Variants in DDX51 observed in about 807,000 individuals in gnomAD.
DDX51 encodes the protein ATP-dependent RNA helicase DDX51.
Under a neutral mutation model 74.6 loss-of-function variants are expected in DDX51, and 67 were observed. That is an observed-to-expected ratio of 0.90 (90% CI 0.74 to 1.10). The LOEUF (loss-of-function observed/expected upper bound fraction) is 1.10. DDX51 is among the 50% of genes least tolerant of loss of function. The pLI, the probability that DDX51 is intolerant of heterozygous loss-of-function variation, is 0.00. For missense variants in DDX51, 1,056 were observed against 905.2 expected (o/e 1.17, Z -2.14); for synonymous variants, 545 against 402.9 (o/e 1.35, Z -4.22).
intron 2 of DDX51, chr12:132,143,278 G>A (rs1187794533): frequency 9.9e-6 from 4 of 403,324 alleles, no homozygotes; most frequent in South Asian, 7.1e-5. Context: ...CCTACCTAAG[G>A]TGCCCGAGCA....
intron 11 of DDX51, 46 bp from the exon 12 acceptor site, chr12:132,140,245 G>A (rs1897395032): frequency 1.3e-6 from 2 of 1,594,292 alleles, no homozygotes; most frequent in African/African-American, 1.3e-5. Flanking sequence ...CAGGAGCAGG[G>A]GCCGTGGCAG....
chr12:132,143,510 G>A (rs547685264), intron 2 of DDX51, 185 bp downstream of exon 2: 149 of 764,470 alleles, frequency 1.9e-4, no homozygotes, highest in African/African-American at 7.2e-4. Context: ...CCTAGCAGAG[G>A]AAACGGGAGC....
At position 132,141,418 on chromosome 12, in the gene DDX51, A is replaced by C. The variant is rs749288932; in HGVS notation, c.1107T>G (p.Ile369Met). The C allele has an allele frequency of 1.9e-5, 30 of 1,591,458 alleles. No homozygotes were observed. The highest frequency in any genetic ancestry group is 2.5e-5 in the Non-Finnish European group (29 of 1,174,586). ...CAATCATCCGGTCAGCCTCGTCGAT[A>C]ATCTGCAGGAGACAGGGAGCCCGGG... ...GFSLQQLRFL[I>M]IDEADRMIDS... is the part of the protein sequence containing the mutation. The change falls in exon 8 of 15, where the codon ATT becomes ATG. Residue 369 changes from isoleucine to methionine, a missense_variant and splice_region_variant. Coordinates refer to ENST00000397333, the MANE Select transcript of DDX51 (RefSeq NM_175066.4).
Position 132,138,980 on chromosome 12 carries a change from G to A in DDX51, c.*292C>T, listed in dbSNP as rs146190557. 19 of 464,068 alleles carry A rather than the reference G, an allele frequency of 4.1e-5. No individual in the cohort carries two copies. Among genetic ancestry groups the A allele is most frequent in the Middle Eastern group, 5.6e-4 (1 of 1,788 alleles). 28.7% of individuals were successfully genotyped at this position (464,068 alleles called of 1,614,324 possible). On this transcript the variant is annotated 3_prime_UTR_variant, in exon 15 of 15. Transcript: ENST00000397333. ...CCCCAACTCTCAGCAAAAGCATGAC[G>A]GGTGCCCGCGTCCGTCTGGGAGTAC... is the stretch of plus-strand genomic sequence containing the variant.
At chr12:132,140,387 A>G in intron 11 of DDX51, 36 bp downstream of exon 11, 1 of 1,609,348 alleles carries the variant, frequency 6.2e-7, no homozygotes, top group Non-Finnish European at 8.5e-7. Context: ...GGGCACCCCC[A>G]CCCCACAGAG....
chr12:132,143,672 C>T (rs1192901591), intron 2 of DDX51, 23 bp downstream of exon 2: 2 of 1,536,770 alleles, frequency 1.3e-6, no homozygotes, highest in South Asian at 2.4e-5. Flanking sequence ...ACGCCGACCA[C>T]CCTCCCGCCC....
At position 132,139,707 on chromosome 12, in the gene DDX51, G is replaced by A. The variant is rs61729151; in HGVS notation, c.1902C>T (p.Leu634=). The A allele has an allele frequency of 0.015, 24,705 of 1,613,000 alleles. 752 individuals are homozygous for A. Among genetic ancestry groups the A allele is most frequent in the South Asian group, 0.057 (5,214 of 91,086 alleles). ...CCAGCGGCTGCAGCAGCTTGCTGGA[G>A]AGCTCGTGCCGCTGCAACTCAGGTG... ...AGAPELQRHE[L]SSKLLQPLVP... Residue 634 remains leucine, a synonymous_variant, in exon 14 of 15, where the codon CTC becomes CTT. Coordinates refer to ENST00000397333, the MANE Select transcript of DDX51 (RefSeq NM_175066.4).
Position 132,144,167 on chromosome 12 carries a change from C to G in DDX51, c.130G>C (p.Glu44Gln), listed in dbSNP as rs1897605486. The change falls in exon 1 of 15, where the codon GAA becomes CAA. Residue 44 changes from glutamate (E) to glutamine (Q), a missense_variant. By Grantham distance (29) the Glu-to-Gln change is conservative. Coordinates refer to ENST00000397333, the MANE Select transcript of DDX51 (RefSeq NM_175066.4). ...GCGGGCTCCCGCTGCTGCTGCCGTTCGCGGGCCCGGCTCTGCAGCCGCTCG... is the reference window on the plus strand; with the variant it reads ...GCGGGCTCCCGCTGCTGCTGCCGTTGGCGGGCCCGGCTCTGCAGCCGCTCG... ...LLERLQSRAR[E>Q]RQQQREPAQT... 2 of 1,175,690 alleles carry G rather than the reference C, an allele frequency of 1.7e-6. No homozygotes were observed. The highest frequency in any genetic ancestry group is 9.2e-5 in the Admixed American group (2 of 21,684). 72.8% of individuals were successfully genotyped at this position (1,175,690 alleles called of 1,614,324 possible). A position where few individuals can be genotyped will look rare whatever the true frequency, so the allele number is the denominator to read the frequency against.
At position 132,136,826 on chromosome 12, in the gene DDX51, G is replaced by C. The variant is rs1415019780; in HGVS notation, c.*2446C>G. 2.0e-5 allele frequency: 3 copies of C among 152,190 alleles called. No homozygotes were observed. The highest frequency in any genetic ancestry group is 7.2e-5 in the African/African-American group (3 of 41,422). 9.4% of individuals were successfully genotyped at this position (152,190 alleles called of 1,614,324 possible). ...CTCCAGGCACACGCCACCACGCTCA[G>C]CTAAGTTTTGTATTTTTAGTAGAGA... is the stretch of plus-strand genomic sequence containing the variant. On this transcript the variant is annotated 3_prime_UTR_variant, in exon 15 of 15. Coordinates refer to ENST00000397333, the MANE Select transcript of DDX51 (RefSeq NM_175066.4).
rs749051599 is a variant in DDX51, at chr12:132,142,791, G to A, written c.607C>T (p.Pro203Ser). Reference protein sequence around the residue: ...TEDLVPIEDIPDVHPDLQKQL... With the variant: ...TEDLVPIEDISDVHPDLQKQL... ...TTCTGCAGGTCAGGATGGACGTCAG[G>A]GATGTCCTCGATAGGAACCAGGTCT... is the stretch of plus-strand genomic sequence containing the variant. The change falls in exon 3 of 15, where the codon CCT (proline) becomes TCT (serine). Residue 203 changes from proline (P) to serine (S), a missense_variant. Coordinates refer to ENST00000397333, the MANE Select transcript of DDX51 (RefSeq NM_175066.4). The A allele has an allele frequency of 3.7e-5, 60 of 1,612,986 alleles. 1 individual carries two copies. Among genetic ancestry groups the A allele is most frequent in the Non-Finnish European group, 4.2e-5 (49 of 1,180,028 alleles).
In DDX51 at chr12:132,139,173, G is replaced by C; in HGVS notation, c.*99C>G. 6.7e-7 allele frequency: 1 copy of C among 1,501,610 alleles called. No homozygotes were observed. Among genetic ancestry groups the C allele is most frequent in the Non-Finnish European group, 9.0e-7 (1 of 1,112,368 alleles). 93.0% of individuals were successfully genotyped at this position (1,501,610 alleles called of 1,614,324 possible). A position where few individuals can be genotyped will look rare whatever the true frequency, so the allele number is the denominator to read the frequency against. On this transcript the variant is annotated 3_prime_UTR_variant, in exon 15 of 15. Coordinates refer to ENST00000397333, the MANE Select transcript of DDX51 (RefSeq NM_175066.4). ...GGGAGGAAGGCTGTGTCCACTGGGG[G>C]ATTCCTTTCCTCACATACAGGATCC...
chr12:132,140,332 G>A, intron 11 of DDX51, 91 bp downstream of exon 11: 1 of 1,566,918 alleles, frequency 6.4e-7, no homozygotes, highest in Non-Finnish European at 8.7e-7. Flanking sequence ...AAGCCAATTT[G>A]CAGAAGGAAG....
chr12:132,143,436 C>G, intron 2 of DDX51: 2 of 572,930 alleles, frequency 3.5e-6, no homozygotes, highest in Middle Eastern at 4.6e-4. Flanking sequence ...AGCAGGAAAC[C>G]CCGCACGTTC....
chr12:132,143,565 C>G, intron 2 of DDX51, 130 bp downstream of exon 2: 14 of 1,249,380 alleles, frequency 1.1e-5, no homozygotes, highest in Non-Finnish European at 1.5e-5. Flanking sequence ...AAACTGCAGA[C>G]CTGGCAGCGA....
rs755039363 is a variant in DDX51 at position 132,140,543 on chromosome 12, G to C, written c.1557-4C>G. On this transcript the variant is annotated splice_region_variant and splice_polypyrimidine_tract_variant and intron_variant, in intron 10 of 14. Transcript: ENST00000397333. ...AGCTTGCACCAGCAGGAAGAGCCTA[G>C]GCAGAGAGAAGGCTGCGGCCAAGTG... The C allele has an allele frequency of 6.2e-7, 1 of 1,612,976 alleles. No homozygotes were observed. Among genetic ancestry groups the C allele is most frequent in the African/African-American group, 1.3e-5 (1 of 75,064 alleles).
chr12:132,143,442 C>A (rs1897558824), intron 2 of DDX51: 1 of 578,076 alleles, frequency 1.7e-6, no homozygotes, highest in Non-Finnish European at 3.0e-6. Flanking sequence ...AAACCCCGCA[C>A]GTTCACGCAA....
At position 132,140,406 on chromosome 12, in the gene DDX51, C is replaced by A; in HGVS notation, c.1673+17G>T. ...ACCCCCACCCCACAGAGGCCTTGCC[C>A]CTGCCCAGGAACTCACAGCTGGATC... is the stretch of plus-strand genomic sequence containing the variant. On this transcript the variant is annotated intron_variant, in intron 11 of 14. Transcript: ENST00000397333. 6.2e-7 allele frequency: 1 copy of A among 1,612,630 alleles called. No individual in the cohort carries two copies. The highest frequency in any genetic ancestry group is 1.3e-5 in the African/African-American group (1 of 75,034).
At chr12:132,139,607 G>A (rs776709827) in intron 14 of DDX51, 28 bp downstream of exon 14, 15 of 1,612,940 alleles carry the variant, frequency 9.3e-6, no homozygotes, top group Middle Eastern at 1.6e-4. Flanking sequence ...TCCCCAGAGG[G>A]TTTCATGCCG....
chr12:132,140,068 C>T (rs750919779), intron 12 of DDX51, 30 bp downstream of exon 12: 7 of 1,607,872 alleles, frequency 4.4e-6, no homozygotes, highest in South Asian at 3.3e-5. Context: ...AAGCCCCAGA[C>T]CCCCCAGTGG....
Sources: gnomAD v4.1 joint callset for allele counts on GRCh38, gnomAD v4.1.1 for gene constraint, MANE v1.5 for transcripts, NCBI Gene and HGNC (gene_info 2026-07-23, HGNC 2026-07-21) for gene names.